Variants in MMP16 observed in about 807,000 individuals in gnomAD.
MMP16 encodes matrix metalloproteinase-16.
A neutral mutation model predicts 67.8 loss-of-function variants in MMP16; 12 were observed. That is an observed-to-expected ratio of 0.18 (90% confidence interval 0.11 to 0.29). The LOEUF is 0.29. Ranked by LOEUF, MMP16 falls within the 10% of genes least tolerant of loss-of-function variation. The pLI is 1.00. For missense variants in MMP16, 475 were observed against 765.7 expected, an observed-to-expected ratio of 0.62 and a Z score of 4.48; for synonymous variants, 249 against 255.9, an observed-to-expected ratio of 0.97 and a Z score of 0.26.
chr8:88,066,060 G>A (rs1808459325), intron 7 of MMP16, among the ~76,000 whole-genome samples: 2 of 152,020 alleles, frequency 1.3e-5, no homozygotes, highest in Non-Finnish European at 2.9e-5. Flanking sequence ...AATAAGTACT[G>A]CTTAAAGTTA....
chr8:88,254,423 T>TA (rs1054487394), intron 1 of MMP16, among the ~76,000 whole-genome samples: 1 of 148,040 alleles, frequency 6.8e-6, no homozygotes, highest in Non-Finnish European at 1.5e-5. Context: ...TTTACCTATA[T>TA]AAAAAACCTG....
intron 1 of MMP16, among the ~76,000 whole-genome samples, chr8:88,290,969 T>C (rs1333526251): frequency 6.6e-6 from 1 of 152,176 alleles, no homozygotes; most frequent in Non-Finnish European, 1.5e-5. Flanking sequence ...CCTTGCTTAA[T>C]TTGACATTTG....
intron 2 of MMP16, 108 bp from the exon 3 acceptor site, chr8:88,186,706 GTGA>G (rs1809080721): frequency 2.1e-6 from 3 of 1,432,366 alleles, no homozygotes; most frequent in Non-Finnish European, 2.8e-6. Context: ...ATCTGAGACA[GTGA>G]TGATGAAAAT....
intron 4 of MMP16, among the ~76,000 whole-genome samples, chr8:88,120,374 G>T (rs576578007): frequency 6.6e-6 from 1 of 152,018 alleles, no homozygotes; most frequent in African/African-American, 2.4e-5. Flanking sequence ...TAATCCCAAT[G>T]CTAAAATGAA....
intron 3 of MMP16, among the ~76,000 whole-genome samples, chr8:88,182,962 T>C (rs1563555846): frequency 6.6e-6 from 1 of 152,020 alleles, no homozygotes; most frequent in East Asian, 1.9e-4. Flanking sequence ...GAAAAAAAGC[T>C]ACATTCTCTA....
At position 88,134,862 on chromosome 8, in the gene MMP16, T is replaced by C. The variant is rs113016444; in HGVS notation, c.710-16001A>G. Among the ~76,000 whole-genome samples the C allele has an allele frequency of 5.5e-3, 831 of 151,788 alleles. 2 individuals carry two copies. Among genetic ancestry groups the C allele is most frequent in the African/African-American group, 0.019 (777 of 41,498 alleles). ...ACTGATATATGTAGGTTTATTTTTA[T>C]GTATTGTTCTAAAATATCATAAGAT... On this transcript the variant is annotated intron_variant, in intron 4 of 9. Transcript: ENST00000286614.
At chr8:88,107,910 A>C (rs1042478391) in intron 6 of MMP16, among the ~76,000 whole-genome samples, 1 of 151,190 alleles carries the variant, frequency 6.6e-6, no homozygotes, top group African/African-American at 2.4e-5. Context: ...AATTAACTTT[A>C]ATGTCTCTCT....
At chr8:88,184,635 T>C (rs1331882927) in intron 3 of MMP16, among the ~76,000 whole-genome samples, 1 of 127,742 alleles carries the variant, frequency 7.8e-6, no homozygotes, top group African/African-American at 3.0e-5. Flanking sequence ...TAATCCCAGC[T>C]ACTCAACGGG....
intron 6 of MMP16, among the ~76,000 whole-genome samples, chr8:88,116,063 G>T (rs1398424194): frequency 6.6e-6 from 1 of 152,048 alleles, no homozygotes; most frequent in Non-Finnish European, 1.5e-5. Flanking sequence ...CAAACAAAAT[G>T]ATCAATGCTC....
chr8:88,139,472 T>C (rs903395108), intron 4 of MMP16, among the ~76,000 whole-genome samples: 1 of 152,006 alleles, frequency 6.6e-6, no homozygotes, highest in African/African-American at 2.4e-5. Flanking sequence ...AGTAAAAACA[T>C]TTGGAAAGAA....
chr8:88,059,525 G>A (rs2118234481), intron 7 of MMP16, among the ~76,000 whole-genome samples: 1 of 152,160 alleles, frequency 6.6e-6, no homozygotes, highest in South Asian at 2.1e-4. Context: ...TGGAATACTA[G>A]TTATTCGTGG....
chr8:88,043,667 G>A (rs1036158577), intron 9 of MMP16, among the ~76,000 whole-genome samples: 3 of 152,126 alleles, frequency 2.0e-5, no homozygotes, highest in Non-Finnish European at 4.4e-5. Context: ...TCTGGAAATC[G>A]TTCTGTTCAA....
rs1808113312 is a variant in MMP16 at position 88,040,236 on chromosome 8, A to T, written c.*1225T>A. On this transcript the variant is annotated 3_prime_UTR_variant, in exon 10 of 10. Coordinates refer to ENST00000286614, the MANE Select transcript of MMP16 (RefSeq NM_005941.5). The stretch of plus-strand genomic sequence containing the variant: ...AATACCTTTTTTATTTGCCAGAAAA[A>T]TTTTGGCAAGTAACATCATTTCTGT... The T allele has an allele frequency of 6.6e-6, 1 of 152,582 alleles. No homozygotes were observed. Among genetic ancestry groups the T allele is most frequent in the East Asian group, 1.9e-4 (1 of 5,198 alleles). The allele number at this position is 152,582 out of a possible 1,614,324, so 9.5% of individuals were successfully genotyped here.
At chr8:88,145,486 A>G (rs558984843) in intron 4 of MMP16, among the ~76,000 whole-genome samples, 9 of 151,932 alleles carry the variant, frequency 5.9e-5, no homozygotes, top group Non-Finnish European at 1.0e-4. Context: ...GATAATATCG[A>G]AAAAAGGCCA....
At chr8:88,068,871 T>C (rs1808497746) in intron 7 of MMP16, among the ~76,000 whole-genome samples, 1 of 151,950 alleles carries the variant, frequency 6.6e-6, no homozygotes. Flanking sequence ...CTGGCTAATT[T>C]TTATATTTTT....
chr8:88,136,446 C>T (rs148276144), intron 4 of MMP16, among the ~76,000 whole-genome samples: 275 of 151,812 alleles, frequency 1.8e-3, no homozygotes, highest in South Asian at 0.011. Context: ...GTCAGTTGAT[C>T]ATCATAAATT....
At chr8:88,073,387 GTAAT>G (rs1808594492) in intron 7 of MMP16, among the ~76,000 whole-genome samples, 1 of 152,160 alleles carries the variant, frequency 6.6e-6, no homozygotes, top group Non-Finnish European at 1.5e-5. Flanking sequence ...TTTACATGTA[GTAAT>G]TAATTTAGTC....
At chr8:88,317,482 G>A (rs997107410) in intron 1 of MMP16, among the ~76,000 whole-genome samples, 1 of 152,118 alleles carries the variant, frequency 6.6e-6, no homozygotes, top group Non-Finnish European at 1.5e-5. Context: ...ACACTTAATA[G>A]AACACAGTAC....
At chr8:88,170,957 T>G (rs1808790067) in intron 3 of MMP16, among the ~76,000 whole-genome samples, 1 of 152,208 alleles carries the variant, frequency 6.6e-6, no homozygotes, top group Admixed American at 6.5e-5. Flanking sequence ...AGAATTAGTT[T>G]CAGTATGTGT....
Sources: gnomAD v4.1 joint callset for allele counts (sites outside exome capture counted in the v4.1 genomes callset) on GRCh38, gnomAD v4.1.1 for gene constraint, MANE v1.5 for transcripts, NCBI Gene and HGNC (gene_info 2026-07-23, HGNC 2026-07-21) for gene names.